DOCK6: variants seen among roughly 807,000 people sequenced by gnomAD.
DOCK6 encodes dedicator of cytokinesis protein 6.
A neutral mutation model predicts 230.3 loss-of-function variants in DOCK6; 167 were observed. That is an observed-to-expected ratio of 0.73 (90% confidence interval 0.64 to 0.82). DOCK6 has a LOEUF of 0.82. Among genes scored for constraint, DOCK6 ranks in the 40% least tolerant of loss-of-function variants. The pLI is 0.00. For missense variants in DOCK6, 2,598 were observed against 2,825.8 expected, an observed-to-expected ratio of 0.92 and a Z score of 1.83; for synonymous variants, 1,148 against 1,185.0, an observed-to-expected ratio of 0.97 and a Z score of 0.64.
rs2079319194 is a variant in DOCK6, at chr19:11,209,183, C to CA, written c.4752-81dup. ...CTGCCTCCCACTTGTCCATTCTCTT[C>CA]ACTGGTTACCCCCATGTCCGCCCCA... On this transcript the variant is annotated intron_variant, in intron 37 of 47. Coordinates refer to ENST00000294618, the MANE Select transcript of DOCK6 (RefSeq NM_020812.4). 4.9e-5 allele frequency: 73 copies of CA among 1,500,772 alleles called. No homozygotes were observed. The East Asian group carries it at 1.7e-3, about 35-fold the overall frequency. The allele number at this position is 1,500,772 out of a possible 1,614,324, so 93.0% of individuals were successfully genotyped here.
chr19:11,235,531 G>C, intron 21 of DOCK6, 67 bp downstream of exon 21: 1 of 1,454,074 alleles, frequency 6.9e-7, no homozygotes, highest in Non-Finnish European at 9.3e-7. Flanking sequence ...GATTACAGGC[G>C]TGAGCCACCG....
chr19:11,217,231 C>A lies in DOCK6; in HGVS notation c.3711G>T (p.Thr1237=). The stretch of plus-strand genomic sequence containing the variant: ...TATGGGGACAAGCCTCCCTACTCAC[C>A]GTTGGTGGCCCCTGGGAGATGCTGG... ...SRASISQGPP[T]ASRAGCALSA... is the part of the protein sequence containing the mutation. Residue 1237 remains threonine, a splice_region_variant and synonymous_variant, in exon 29 of 48, where the codon ACG becomes ACT. Coordinates refer to ENST00000294618, the MANE Select transcript of DOCK6 (RefSeq NM_020812.4). 6.2e-7 allele frequency: 1 copy of A among 1,611,920 alleles called. No homozygotes were observed. Among genetic ancestry groups the A allele is most frequent in the Non-Finnish European group, 8.5e-7 (1 of 1,179,004 alleles).
At chr19:11,238,358 T>A in intron 14 of DOCK6, 54 bp from the exon 15 acceptor site, 1 of 1,492,368 alleles carries the variant, frequency 6.7e-7, no homozygotes, top group Non-Finnish European at 9.1e-7. Context: ...AAGGTGCACA[T>A]ACAAGGCTGG....
Position 11,237,456 on chromosome 19 carries a change from A to T in DOCK6, c.2073T>A (p.Asp691Glu), listed in dbSNP as rs765146457. The change falls in exon 18 of 48, where the codon GAT becomes GAA. Residue 691 changes from aspartate to glutamate, a missense_variant and splice_region_variant. Coordinates refer to ENST00000294618, the MANE Select transcript of DOCK6 (RefSeq NM_020812.4). ...CAGGCAGGAGCTCCAGGGCACATAC[A>T]TCGGGTGTGAGCACGGAATAGCTGG... ...PPPSYSVLTP[D>E]VALPGMRWVD... 1 of 1,613,408 alleles carries T rather than the reference A, an allele frequency of 6.2e-7. No homozygotes were observed. The highest frequency in any genetic ancestry group is 2.2e-5 in the East Asian group (1 of 44,878).
At chr19:11,253,576 G>A in intron 2 of DOCK6, 63 bp downstream of exon 2, 1 of 1,135,812 alleles carries the variant, frequency 8.8e-7, no homozygotes. Context: ...CCTAGGCCAA[G>A]GAAGCCCCTA....
At chr19:11,228,857 T>C (rs1248339589) in intron 23 of DOCK6, 83 bp downstream of exon 23, 3 of 1,385,376 alleles carry the variant, frequency 2.2e-6, no homozygotes, top group Non-Finnish European at 3.0e-6. Flanking sequence ...CCACTATGCC[T>C]GGCCAGGGGG....
chr19:11,222,436 A>C lies in DOCK6; in HGVS notation c.3241-188T>G. The C allele has an allele frequency of 2.4e-6, 2 of 836,182 alleles. No homozygotes were observed. The highest frequency in any genetic ancestry group is 3.6e-5 in the South Asian group (2 of 54,842). The allele number at this position is 836,182 out of a possible 1,614,324, so 51.8% of individuals were successfully genotyped here. On this transcript the variant is annotated intron_variant, in intron 26 of 47. Coordinates refer to ENST00000294618, the MANE Select transcript of DOCK6 (RefSeq NM_020812.4). This position sits in a 1 kb window ranked among gnomAD's most constrained non-coding sequence, Gnocchi z 4.0. ...GGCCAGAAGTGAGGGGCTGACGTTAACCCATCTGTGATGTAACAGGGCACG... is the reference window on the plus strand; with the variant it reads ...GGCCAGAAGTGAGGGGCTGACGTTACCCCATCTGTGATGTAACAGGGCACG...
intron 5 of DOCK6, 39 bp downstream of exon 5, chr19:11,252,080 A>G: frequency 1.3e-6 from 2 of 1,573,820 alleles, no homozygotes; most frequent in Non-Finnish European, 8.6e-7. Flanking sequence ...GAGCCTCCAC[A>G]CATACCCCTT....
At chr19:11,254,229 C>T (rs1243023667) in intron 1 of DOCK6, among the ~76,000 whole-genome samples, 1 of 152,246 alleles carries the variant, frequency 6.6e-6, no homozygotes, top group Non-Finnish European at 1.5e-5. Context: ...CTGGGCAGAG[C>T]GGAGCCTGGG....
At chr19:11,237,614 G>T in intron 17 of DOCK6, 27 bp downstream of exon 17, 1 of 1,595,622 alleles carries the variant, frequency 6.3e-7, no homozygotes, top group Non-Finnish European at 8.5e-7. Flanking sequence ...GGAGGGCTCA[G>T]GGGGAGGGAG....
chr19:11,215,892 T>C lies in DOCK6; in HGVS notation c.3930A>G (p.Thr1310=). Residue 1310 remains threonine (T), a synonymous_variant, in exon 31 of 48, where the codon ACA becomes ACG. Transcript: ENST00000294618. ...CCTTCATATCCAGAGATTTTTTGAA[T>C]GTGAGGCTGTTGATGCGTTCAAAGG... The part of the protein sequence containing the change: ...KKAFERINSL[T]FKKSLDMKAR... The C allele has an allele frequency of 6.2e-7, 1 of 1,613,882 alleles. No individual in the cohort carries two copies. The highest frequency in any genetic ancestry group is 8.5e-7 in the Non-Finnish European group (1 of 1,179,842).
Position 11,200,736 on chromosome 19 carries a change from G to A in DOCK6, c.5919C>T (p.Cys1973=). ...CCTACTTCTTGCAGAAGTCCTTGAA[G>A]CAGAGCCGCAATTTGTTGTGATGCC... ...LFRHHNKLRL[C]FKDFCKKCED... Residue 1973 remains cysteine, a synonymous_variant, in exon 46 of 48, where the codon TGC becomes TGT. Coordinates refer to ENST00000294618, the MANE Select transcript of DOCK6 (RefSeq NM_020812.4). This position sits in a 1 kb window ranked among gnomAD's most constrained non-coding sequence, Gnocchi z 4.3. 6.2e-7 allele frequency: 1 copy of A among 1,613,520 alleles called. No individual in the cohort carries two copies. The highest frequency in any genetic ancestry group is 8.5e-7 in the Non-Finnish European group (1 of 1,179,690).
chr19:11,221,168 C>T (rs2079573722), intron 28 of DOCK6: 1 of 152,320 alleles, frequency 6.6e-6, no homozygotes, highest in Admixed American at 6.6e-5. Context: ...CAACAGGACA[C>T]TGGGCACAAC....
At chr19:11,256,626 C>A (rs1434097739) in intron 1 of DOCK6, among the ~76,000 whole-genome samples, 1 of 152,176 alleles carries the variant, frequency 6.6e-6, no homozygotes, top group Non-Finnish European at 1.5e-5. Flanking sequence ...AAAGACAATC[C>A]TAGGCAGCTG....
chr19:11,238,288 A>G lies in DOCK6; in HGVS notation c.1660T>C (p.Tyr554His). The G allele has an allele frequency of 6.2e-7, 1 of 1,610,328 alleles. No individual in the cohort carries two copies. The highest frequency in any genetic ancestry group is 8.5e-7 in the Non-Finnish European group (1 of 1,178,518). Reference protein sequence around the residue: ...HTSYRNLLYVYPHSLNFSSRQ... With the variant: ...HTSYRNLLYVHPHSLNFSSRQ... ...CTGCTGAAGTTGAGGCTGTGCGGGT[A>G]CACGTACAGCAGGTTCCTGTGGGGG... Residue 554 changes from tyrosine to histidine, a missense_variant, in exon 15 of 48, where the codon TAC becomes CAC. Transcript: ENST00000294618.
rs370563495 is a variant in DOCK6 at position 11,216,062 on chromosome 19, TA to T, written c.3895-136del. On this transcript the variant is annotated intron_variant, in intron 30 of 47. Transcript: ENST00000294618. ...TTAAAGACAGATTGCCTTTTTCCTC[TA>T]AATTCTTAGCACTTACCAAAAAAAA... is the stretch of plus-strand genomic sequence containing the variant. 161 of 1,187,720 alleles carry T rather than the reference TA, an allele frequency of 1.4e-4. 1 individual carries two copies. In the East Asian group the frequency reaches 2.4e-3, roughly 18 times the overall value. 73.6% of individuals were successfully genotyped at this position (1,187,720 alleles called of 1,614,324 possible). A position where few individuals can be genotyped will look rare whatever the true frequency, so the allele number is the denominator to read the frequency against.
Position 11,213,198 on chromosome 19 carries a change from C to T in DOCK6, c.4469G>A (p.Arg1490Gln), listed in dbSNP as rs200472954. The change falls in exon 35 of 48, where the codon CGA (arginine) becomes CAA (glutamine). Residue 1490 changes from arginine (R) to glutamine (Q), a missense_variant. Arg to Gln is a conservative substitution (Grantham distance 43). Transcript: ENST00000294618. ...CACGTGGCCGATCTCGAAGTTCTGT[C>T]GCATGAGCAGGTACAGCGAGGCGCT... The part of the protein sequence containing the change: ...HASASLYLLM[R>Q]QNFEIGHNFA... The T allele has an allele frequency of 3.8e-4, 606 of 1,612,778 alleles. 2 individuals are homozygous for T. The highest frequency in any genetic ancestry group is 4.8e-4 in the Non-Finnish European group (571 of 1,179,566).
At chr19:11,225,488 C>T (rs2079648974) in intron 24 of DOCK6, among the ~76,000 whole-genome samples, 1 of 152,040 alleles carries the variant, frequency 6.6e-6, no homozygotes, top group African/African-American at 2.4e-5. Flanking sequence ...CAGGCCATCT[C>T]CTGGCATGGG....
chr19:11,225,257 G>C (rs1339819899), intron 24 of DOCK6, among the ~76,000 whole-genome samples: 2 of 152,100 alleles, frequency 1.3e-5, no homozygotes, highest in Non-Finnish European at 2.9e-5. Context: ...CACAGGCATT[G>C]TTCTTCTCTG....
Sources: gnomAD v4.1 joint callset for allele counts (sites outside exome capture counted in the v4.1 genomes callset) on GRCh38, gnomAD v4.1.1 for gene constraint, Gnocchi (gnomAD v3.1) non-coding constraint, MANE v1.5 for transcripts, NCBI Gene and HGNC (gene_info 2026-07-23, HGNC 2026-07-21) for gene names.